The following CASP6 variants were observed in gnomAD, a reference collection of about 807,000 sequenced individuals.
CASP6 encodes the protein caspase-6.
Under a neutral mutation model 31.8 loss-of-function variants are expected in CASP6, and 20 were observed. That is an observed-to-expected ratio of 0.63 (90% CI 0.44 to 0.91). CASP6 has a LOEUF of 0.91. CASP6 is among the 40% of genes least tolerant of loss of function. The pLI, the probability that CASP6 is intolerant of heterozygous loss-of-function variation, is 0.00. For synonymous variants in CASP6, 130 were observed against 127.8 expected, an observed-to-expected ratio of 1.02 and a Z score of -0.12; for missense variants, 328 against 361.1, an observed-to-expected ratio of 0.91 and a Z score of 0.74.
chr4:109,684,584 A>G, downstream of CASP6: 1 of 1,604,514 alleles, frequency 6.2e-7, no homozygotes, highest in African/African-American at 1.3e-5. Flanking sequence ...GGAGCCAGTT[A>G]CATACTTCAT....
rs998822041 is a variant in CASP6 at position 109,689,146 on chromosome 4, T to C, written c.*184A>G. ...ATGCGCCGCCATGCCTAGCTAAATT[T>C]TTTTTTGCATTTTTAGTAGAGACGG... On this transcript the variant is annotated 3_prime_UTR_variant, in exon 7 of 7. Coordinates refer to ENST00000265164, the MANE Select transcript of CASP6 (RefSeq NM_001226.4). 4 of 536,432 alleles carry C rather than the reference T, an allele frequency of 7.5e-6. No individual in the cohort carries two copies. The highest frequency in any genetic ancestry group is 4.4e-5 in the South Asian group (2 of 45,622). The allele number at this position is 536,432 out of a possible 1,614,324, so 33.2% of individuals were successfully genotyped here.
intron 4 of CASP6, among the ~76,000 whole-genome samples, chr4:109,695,373 G>C (rs1428368344): frequency 1.3e-5 from 2 of 152,118 alleles, no homozygotes; most frequent in Non-Finnish European, 2.9e-5. Context: ...AAATTTCCTT[G>C]AATCAGCAGA....
chr4:109,703,271 G>T, intron 1 of CASP6, 85 bp downstream of exon 1: 1 of 1,482,594 alleles, frequency 6.7e-7, no homozygotes, highest in Non-Finnish European at 9.1e-7. Context: ...TCCGGTCCGC[G>T]CGCCCGGTCC....
At chr4:109,670,721 AAAAAAAAAAAG>A in the CASP6 span, among the ~76,000 whole-genome samples, 17 of 147,962 alleles carry the variant, frequency 1.1e-4, no homozygotes, top group East Asian at 3.3e-3. Context: ...TCTGTCTCCA[AAAAAAAAAAAG>A]AAAAAGAAAA....
At position 109,697,801 on chromosome 4, in the gene CASP6, A is replaced by C. The variant is rs367949512; in HGVS notation, c.84-33T>G. On this transcript the variant is annotated intron_variant, in intron 2 of 6. Transcript: ENST00000265164. ...TGAAAAGTTGAAAAACAATCACTTC[A>C]AGTCATATTAAATAATGAGCCCCTC... 9.4e-6 allele frequency: 15 copies of C among 1,602,342 alleles called. No individual in the cohort carries two copies. The African/African-American group carries it at 2.0e-4, about 22-fold the overall frequency.
chr4:109,690,581 A>G (rs1271992476), intron 6 of CASP6, among the ~76,000 whole-genome samples: 2 of 152,128 alleles, frequency 1.3e-5, no homozygotes, highest in African/African-American at 4.8e-5. Flanking sequence ...TACCACCCTC[A>G]GTAACTGATG....
chr4:109,703,020 C>A (rs1409251010), intron 1 of CASP6, among the ~76,000 whole-genome samples: 1 of 152,130 alleles, frequency 6.6e-6, no homozygotes, highest in Non-Finnish European at 1.5e-5. Context: ...GTGGGGACAG[C>A]CTTTTAAGGT....
At chr4:109,667,767 T>C in the CASP6 span, among the ~76,000 whole-genome samples, 4 of 151,562 alleles carry the variant, frequency 2.6e-5, no homozygotes, top group Admixed American at 2.6e-4. Flanking sequence ...ATGTTTATTC[T>C]TTCCTGTTAT....
chr4:109,708,213 ATT>A (rs1730657847), upstream of CASP6, among the ~76,000 whole-genome samples: 1 of 152,212 alleles, frequency 6.6e-6, no homozygotes, highest in South Asian at 2.1e-4. Context: ...TACTCAAACC[ATT>A]TACTGTTCAT....
intron 5 of CASP6, among the ~76,000 whole-genome samples, chr4:109,694,113 AG>A (rs1730163625): frequency 6.6e-6 from 1 of 152,222 alleles, no homozygotes. Flanking sequence ...GGGATGAGAC[AG>A]GATAAGACTA....
upstream of CASP6, among the ~76,000 whole-genome samples, chr4:109,707,019 C>A (rs1348036939): frequency 1.3e-5 from 2 of 152,218 alleles, no homozygotes; most frequent in Admixed American, 1.3e-4. Context: ...CTCAACAATA[C>A]CCCACACCAA....
chr4:109,706,184 T>C (rs865979909), upstream of CASP6, among the ~76,000 whole-genome samples: 75 of 113,744 alleles, frequency 6.6e-4, no homozygotes, highest in African/African-American at 3.0e-3. Context: ...CACACACATA[T>C]ACACACACAC....
chr4:109,670,169 A>G, the CASP6 span, among the ~76,000 whole-genome samples: 1 of 152,178 alleles, frequency 6.6e-6, no homozygotes. Context: ...TAAGGTATGG[A>G]GGGGAAGTGT....
intron 5 of CASP6, among the ~76,000 whole-genome samples, chr4:109,694,251 C>G (rs1206457380): frequency 2.0e-5 from 3 of 152,196 alleles, no homozygotes; most frequent in African/African-American, 7.2e-5. Flanking sequence ...TCCAATGGCT[C>G]TCCTTGGTAT....
the CASP6 span, among the ~76,000 whole-genome samples, chr4:109,672,637 T>TG: frequency 6.6e-6 from 1 of 152,226 alleles, no homozygotes; most frequent in Non-Finnish European, 1.5e-5. Context: ...CTGGTAAATG[T>TG]GGGAGAGTTT....
rs1730034769 is a variant in CASP6, at chr4:109,690,976, T to C, written c.517A>G (p.Ile173Val). 1.2e-6 allele frequency: 2 copies of C among 1,613,316 alleles called. No individual in the cohort carries two copies. Among genetic ancestry groups the C allele is most frequent in the Non-Finnish European group, 1.7e-6 (2 of 1,179,700 alleles). Residue 173 changes from isoleucine to valine, a missense_variant, in exon 6 of 7, where the codon ATT becomes GTT. Physicochemically the swap from Ile to Val is conservative, Grantham distance 29. Transcript: ENST00000265164. ...TGATTATCTACTACATCCAAAGGAA[T>C]GACTGGCACATCGTGCTGGTTTCCC... The part of the protein sequence containing the change: ...CRGNQHDVPV[I>V]PLDVVDNQTE...
intron 2 of CASP6, among the ~76,000 whole-genome samples, 173 bp downstream of exon 2, chr4:109,698,127 G>A (rs532135755): frequency 4.6e-5 from 7 of 152,172 alleles, no homozygotes; most frequent in East Asian, 1.9e-4. Context: ...CGGGTCCCTC[G>A]ACAACCAGGG....
chr4:109,667,122 C>T, the CASP6 span, among the ~76,000 whole-genome samples: 1,101 of 152,144 alleles, frequency 7.2e-3, 12 homozygotes, highest in African/African-American at 0.025. Context: ...AGGAAGTATT[C>T]CCTCTGCTTC....
chr4:109,681,395 A>G, the CASP6 span: 2 of 443,242 alleles, frequency 4.5e-6, no homozygotes, highest in Admixed American at 4.9e-5. Flanking sequence ...AAAAGGGTCT[A>G]AAGTTGTCTC....
Sources: gnomAD v4.1 joint callset for allele counts (sites outside exome capture counted in the v4.1 genomes callset) on GRCh38, gnomAD v4.1.1 for gene constraint, MANE v1.5 for transcripts, NCBI Gene and HGNC (gene_info 2026-07-23, HGNC 2026-07-21) for gene names.